DOCK2: variants seen among roughly 807,000 people sequenced by gnomAD.
DOCK2 encodes the protein dedicator of cytokinesis 2, also known as dedicator of cytokinesis protein 2.
DOCK2 carries 87 observed loss-of-function variants against 248.9 expected under a neutral mutation model. The ratio of observed to expected loss-of-function variants is 0.35; its 90% CI spans 0.29 to 0.42. The LOEUF (loss-of-function observed/expected upper bound fraction) is 0.42, where lower values mean the gene tolerates loss of function less well. Ranked by LOEUF, DOCK2 falls within the 10% of genes least tolerant of loss-of-function variation. DOCK2 has a pLI of 1.00. For synonymous variants in DOCK2, 805 were observed against 821.6 expected, an observed-to-expected ratio of 0.98 and a Z score of 0.35; for missense variants, 1,747 against 2,300.2, an observed-to-expected ratio of 0.76 and a Z score of 4.92.
intron 34 of DOCK2, 51 bp downstream of exon 34, chr5:170,027,999 C>A: frequency 6.5e-7 from 1 of 1,543,732 alleles, no homozygotes; most frequent in South Asian, 1.2e-5. Context: ...TCAGGTGAGG[C>A]GGGAGGGCTC....
chr5:169,759,127 T>C (rs1764344358), intron 23 of DOCK2, among the ~76,000 whole-genome samples: 1 of 152,140 alleles, frequency 6.6e-6, no homozygotes, highest in Admixed American at 6.6e-5. Context: ...ACTACAATGC[T>C]CAGCTTTCCC....
chr5:169,772,178 T>A (rs565401629), intron 25 of DOCK2, among the ~76,000 whole-genome samples: 13 of 152,340 alleles, frequency 8.5e-5, no homozygotes, highest in Admixed American at 3.9e-4. Flanking sequence ...TATCGCTCAC[T>A]GAGAGCTGAA....
intron 12 of DOCK2, 104 bp from the exon 13 acceptor site, chr5:169,699,908 CTG>C: frequency 6.5e-7 from 1 of 1,528,110 alleles, no homozygotes; most frequent in African/African-American, 1.4e-5. Context: ...CTGTATGACT[CTG>C]TTCCCAGTGA....
chr5:169,921,483 A>C (rs1775172367), intron 27 of DOCK2, among the ~76,000 whole-genome samples: 1 of 152,246 alleles, frequency 6.6e-6, no homozygotes, highest in Admixed American at 6.5e-5. Context: ...CATTCCATGG[A>C]ACACTAAGCA....
chr5:169,733,282 G>A (rs965677290), intron 22 of DOCK2, among the ~76,000 whole-genome samples: 35 of 151,460 alleles, frequency 2.3e-4, no homozygotes, highest in African/African-American at 7.8e-4. Flanking sequence ...ACTTAGTAAA[G>A]TCTAAAGTTA....
chr5:169,883,869 A>G, intron 27 of DOCK2: 1 of 1,517,662 alleles, frequency 6.6e-7, no homozygotes, highest in Non-Finnish European at 8.9e-7. Flanking sequence ...TTAGAAGCAC[A>G]GGTCTCACTT....
intron 8 of DOCK2, among the ~76,000 whole-genome samples, chr5:169,685,011 G>A (rs140216774): frequency 6.6e-6 from 1 of 152,340 alleles, no homozygotes; most frequent in Non-Finnish European, 1.5e-5. Flanking sequence ...AGCAGCAATA[G>A]GCTAAGGGTA....
intron 27 of DOCK2, among the ~76,000 whole-genome samples, chr5:169,867,486 A>G (rs1391260082): frequency 2.0e-5 from 3 of 151,708 alleles, no homozygotes; most frequent in Admixed American, 6.6e-5. Context: ...TCTATCATCT[A>G]TCTAATCTAT....
intron 27 of DOCK2, among the ~76,000 whole-genome samples, chr5:169,855,825 G>C (rs1036235805): frequency 2.0e-5 from 3 of 152,206 alleles, no homozygotes; most frequent in African/African-American, 7.2e-5. Flanking sequence ...AAGAGAATAT[G>C]TATTGGTCTG....
At chr5:169,701,230 C>T (rs773426849) in intron 13 of DOCK2, among the ~76,000 whole-genome samples, 2 of 152,172 alleles carry the variant, frequency 1.3e-5, no homozygotes, top group Non-Finnish European at 2.9e-5. Flanking sequence ...AAGCATTGCC[C>T]GATTCTAGAA....
intron 1 of DOCK2, among the ~76,000 whole-genome samples, chr5:169,651,490 G>A (rs1278725422): frequency 2.0e-5 from 3 of 152,174 alleles, no homozygotes; most frequent in Non-Finnish European, 2.9e-5. Context: ...GTAACACACG[G>A]TCCTGCCCCA....
At chr5:169,709,153 A>C (rs948199539) in intron 15 of DOCK2, among the ~76,000 whole-genome samples, 1 of 152,248 alleles carries the variant, frequency 6.6e-6, no homozygotes, top group African/African-American at 2.4e-5. Context: ...CTCAGTCTGC[A>C]AAATTGAACT....
intron 25 of DOCK2, among the ~76,000 whole-genome samples, chr5:169,783,988 C>A (rs1765847846): frequency 6.6e-6 from 1 of 152,190 alleles, no homozygotes; most frequent in African/African-American, 2.4e-5. Flanking sequence ...CTGTTTGACC[C>A]AGGCAAGTGA....
intron 27 of DOCK2, among the ~76,000 whole-genome samples, chr5:169,926,460 C>T (rs922763233): frequency 1.3e-5 from 2 of 152,166 alleles, no homozygotes; most frequent in African/African-American, 4.8e-5. Flanking sequence ...TTATGGTCTG[C>T]ATTGATCTTC....
intron 2 of DOCK2, among the ~76,000 whole-genome samples, chr5:169,655,391 A>G (rs1758051054): frequency 6.6e-6 from 1 of 152,220 alleles, no homozygotes; most frequent in Non-Finnish European, 1.5e-5. Context: ...TGAATCCATT[A>G]GAGGAGGCCC....
At chr5:169,693,958 A>G (rs1760453933) in intron 9 of DOCK2, among the ~76,000 whole-genome samples, 1 of 152,228 alleles carries the variant, frequency 6.6e-6, no homozygotes. Flanking sequence ...GGTTGTAGAT[A>G]TTAATCAGGT....
At chr5:169,813,662 G>C (rs949497972) in intron 26 of DOCK2, among the ~76,000 whole-genome samples, 1 of 152,224 alleles carries the variant, frequency 6.6e-6, no homozygotes, top group African/African-American at 2.4e-5. Flanking sequence ...CTCCAGGGAT[G>C]TAGTGTTTTT....
chr5:170,074,062 A>G (rs1430660790), intron 46 of DOCK2, among the ~76,000 whole-genome samples: 2 of 152,124 alleles, frequency 1.3e-5, no homozygotes, highest in Non-Finnish European at 2.9e-5. Flanking sequence ...CTAATATGTA[A>G]AACTAAAGCC....
At chr5:169,981,076 A>G (rs1272127325) in intron 27 of DOCK2, among the ~76,000 whole-genome samples, 1 of 152,190 alleles carries the variant, frequency 6.6e-6, no homozygotes, top group Non-Finnish European at 1.5e-5. Context: ...GCTGTTTCAA[A>G]ATTCTGAATA....
Sources: gnomAD v4.1 joint callset for allele counts (sites outside exome capture counted in the v4.1 genomes callset) on GRCh38, gnomAD v4.1.1 for gene constraint, MANE v1.5 for transcripts, NCBI Gene and HGNC (gene_info 2026-07-23, HGNC 2026-07-21) for gene names.